ADAM2: variants seen among roughly 807,000 people sequenced by gnomAD.
The protein encoded by ADAM2 is ADAM metallopeptidase domain 2.
A neutral mutation model predicts 99.3 loss-of-function variants in ADAM2; 101 were observed. The ratio of observed to expected loss-of-function variants is 1.02; its 90% CI spans 0.87 to 1.20. The LOEUF (loss-of-function observed/expected upper bound fraction) is 1.20, where lower values mean the gene tolerates loss of function less well. Ranked by LOEUF, ADAM2 falls within the 50% of genes most tolerant of loss-of-function variation. The probability of loss-of-function intolerance (pLI) is 0.00; values close to 1 mark genes in which losing one functional copy is unlikely to be tolerated. For missense variants in ADAM2, 948 were observed against 878.7 expected, an observed-to-expected ratio of 1.08 and a Z score of -1.00; for synonymous variants, 323 against 287.6, an observed-to-expected ratio of 1.12 and a Z score of -1.25.
chr8:39,791,401 T>C (rs1240959461), intron 7 of ADAM2, among the ~76,000 whole-genome samples: 2 of 152,072 alleles, frequency 1.3e-5, no homozygotes, highest in Non-Finnish European at 2.9e-5. Flanking sequence ...TGCTGCCTGG[T>C]TCATGAATTG....
chr8:39,821,337 A>G (rs1016840771), intron 5 of ADAM2, among the ~76,000 whole-genome samples, 167 bp from the exon 6 acceptor site: 66 of 152,308 alleles, frequency 4.3e-4, no homozygotes, highest in African/African-American at 1.5e-3. Context: ...ACTGAGTGAC[A>G]CCGCATAGTA....
intron 10 of ADAM2, among the ~76,000 whole-genome samples, chr8:39,780,124 A>G (rs1024569967): frequency 6.6e-6 from 1 of 152,176 alleles, no homozygotes; most frequent in East Asian, 1.9e-4. Context: ...AAGGAAGAGC[A>G]AAGGCACATC....
intron 2 of ADAM2, among the ~76,000 whole-genome samples, chr8:39,835,254 C>A (rs114647269): frequency 0.031 from 4,706 of 152,266 alleles, 237 homozygotes; most frequent in African/African-American, 0.11. Context: ...GCTTCTAATT[C>A]TGTCCTTTTC....
At chr8:39,768,666 G>T (rs1317269969) in intron 12 of ADAM2, among the ~76,000 whole-genome samples, 1 of 152,108 alleles carries the variant, frequency 6.6e-6, no homozygotes, top group Non-Finnish European at 1.5e-5. Context: ...AGGAATTTAG[G>T]TTAAATACTA....
At chr8:39,819,725 G>A (rs1805100459) in intron 6 of ADAM2, among the ~76,000 whole-genome samples, 1 of 152,076 alleles carries the variant, frequency 6.6e-6, no homozygotes, top group Non-Finnish European at 1.5e-5. Flanking sequence ...CAGCCTGCCT[G>A]CTTACCCTGT....
chr8:39,801,022 C>T (rs1351582075), intron 7 of ADAM2, among the ~76,000 whole-genome samples: 1 of 152,144 alleles, frequency 6.6e-6, no homozygotes, highest in East Asian at 1.9e-4. Context: ...GTCAATTACT[C>T]CATATGATCC....
chr8:39,777,222 T>G (rs1006266033), intron 10 of ADAM2, 61 bp from the exon 11 acceptor site: 5 of 1,349,240 alleles, frequency 3.7e-6, no homozygotes, highest in Non-Finnish European at 5.2e-6. Flanking sequence ...GGGAGAACAA[T>G]GCAATTATTA....
chr8:39,778,372 C>G (rs918033718), intron 10 of ADAM2, among the ~76,000 whole-genome samples: 1 of 151,894 alleles, frequency 6.6e-6, no homozygotes, highest in African/African-American at 2.4e-5. Context: ...TTGATTTTTT[C>G]TAATGGAGAG....
At chr8:39,819,158 G>A (rs1198368738) in intron 6 of ADAM2, among the ~76,000 whole-genome samples, 2 of 151,946 alleles carry the variant, frequency 1.3e-5, no homozygotes, top group East Asian at 1.9e-4. Context: ...TAAAGAAAAC[G>A]TGGTAGTGGC....
chr8:39,813,484 A>G (rs1438511448), intron 6 of ADAM2, among the ~76,000 whole-genome samples: 1 of 152,178 alleles, frequency 6.6e-6, no homozygotes, highest in Non-Finnish European at 1.5e-5. Context: ...TGTTTATTGG[A>G]GCACTATTCA....
chr8:39,783,620 C>T (rs1440061216), intron 10 of ADAM2, among the ~76,000 whole-genome samples: 11 of 152,078 alleles, frequency 7.2e-5, no homozygotes, highest in South Asian at 2.1e-4. Flanking sequence ...GTATAATTGT[C>T]GCATTGTAAC....
At chr8:39,795,064 A>G (rs984982822) in intron 7 of ADAM2, among the ~76,000 whole-genome samples, 1 of 152,138 alleles carries the variant, frequency 6.6e-6, no homozygotes, top group Non-Finnish European at 1.5e-5. Context: ...CTCCCTAAAT[A>G]TCTTTGGTAA....
chr8:39,763,140 C>T (rs889039016), intron 14 of ADAM2, among the ~76,000 whole-genome samples: 4 of 152,070 alleles, frequency 2.6e-5, no homozygotes, highest in African/African-American at 7.2e-5. Context: ...TCTAAACTTT[C>T]CATTCCCTGG....
At chr8:39,762,506 T>A (rs1353135603) in intron 14 of ADAM2, among the ~76,000 whole-genome samples, 1 of 152,210 alleles carries the variant, frequency 6.6e-6, no homozygotes, top group Non-Finnish European at 1.5e-5. Flanking sequence ...ATCAACTTGG[T>A]TAGGCTATAG....
chr8:39,810,372 C>A (rs992234189), intron 6 of ADAM2, among the ~76,000 whole-genome samples: 13 of 152,168 alleles, frequency 8.5e-5, no homozygotes, highest in African/African-American at 3.1e-4. Flanking sequence ...TTAGACAGAT[C>A]AAAGAGACAG....
At chr8:39,830,785 A>T (rs1805584037) in intron 3 of ADAM2, among the ~76,000 whole-genome samples, 1 of 152,178 alleles carries the variant, frequency 6.6e-6, no homozygotes, top group Non-Finnish European at 1.5e-5. Flanking sequence ...GAAAAAAAAA[A>T]TCAATACCTG....
At chr8:39,811,007 T>A (rs1281000209) in intron 6 of ADAM2, among the ~76,000 whole-genome samples, 2 of 151,782 alleles carry the variant, frequency 1.3e-5, no homozygotes, top group Non-Finnish European at 2.9e-5. Flanking sequence ...GAGCTGGTTT[T>A]TTGAAAAGAT....
At chr8:39,781,640 C>T (rs1021942166) in intron 10 of ADAM2, among the ~76,000 whole-genome samples, 1 of 152,012 alleles carries the variant, frequency 6.6e-6, no homozygotes, top group Non-Finnish European at 1.5e-5. Flanking sequence ...GATAAAATGC[C>T]TCAATATTGT....
At chr8:39,826,252 A>G (rs2129588669) in intron 3 of ADAM2, among the ~76,000 whole-genome samples, 1 of 152,308 alleles carries the variant, frequency 6.6e-6, no homozygotes, top group African/African-American at 2.4e-5. Context: ...ATATAGACCA[A>G]TGGAACAATA....
Sources: gnomAD v4.1 joint callset for allele counts (sites outside exome capture counted in the v4.1 genomes callset) on GRCh38, gnomAD v4.1.1 for gene constraint, MANE v1.5 for transcripts, NCBI Gene and HGNC (gene_info 2026-07-23, HGNC 2026-07-21) for gene names.